The following CLNK variants were observed in gnomAD, a reference collection of about 807,000 sequenced individuals.
CLNK encodes the protein cytokine-dependent hematopoietic cell linker.
In CLNK, 74 loss-of-function variants were observed where a neutral mutation model predicts 68.6. That is an observed-to-expected ratio of 1.08 (90% confidence interval 0.89 to 1.31). The LOEUF (loss-of-function observed/expected upper bound fraction) is 1.31, where lower values mean the gene tolerates loss of function less well. Among genes scored for constraint, CLNK ranks in the 50% most tolerant of loss-of-function variants. The pLI is 0.00. For missense variants in CLNK, 553 were observed against 515.3 expected (o/e 1.07, Z -0.71); for synonymous variants, 198 against 172.2 (o/e 1.15, Z -1.17).
chr4:10,678,903 A>G (rs543418185), intron 1 of CLNK, among the ~76,000 whole-genome samples: 1 of 152,358 alleles, frequency 6.6e-6, no homozygotes. Context: ...GCTCATGGGT[A>G]GGAGGAATCA....
At chr4:10,557,039 G>A (rs969536418) in intron 8 of CLNK, among the ~76,000 whole-genome samples, 2 of 151,680 alleles carry the variant, frequency 1.3e-5, no homozygotes, top group Non-Finnish European at 2.9e-5. Context: ...TCACGCCACT[G>A]CACTCCAGCC....
chr4:10,669,717 T>C (rs1054665228), intron 1 of CLNK, among the ~76,000 whole-genome samples: 3 of 152,206 alleles, frequency 2.0e-5, no homozygotes, highest in Non-Finnish European at 4.4e-5. Context: ...CTCTATGTCC[T>C]CTGATACCCT....
chr4:10,569,188 CTTTT>C (rs57423330), intron 5 of CLNK, among the ~76,000 whole-genome samples: 2 of 124,408 alleles, frequency 1.6e-5, no homozygotes, highest in Admixed American at 8.3e-5. Flanking sequence ...CAAGACTGCC[CTTTT>C]TTTTTTTTTT....
At chr4:10,613,385 G>A (rs1236971485) in intron 2 of CLNK, among the ~76,000 whole-genome samples, 1 of 152,176 alleles carries the variant, frequency 6.6e-6, no homozygotes, top group African/African-American at 2.4e-5. Context: ...GCAGGAATGT[G>A]GCTAAGTAGT....
chr4:10,574,629 GGGA>G (rs1720483864), intron 4 of CLNK, among the ~76,000 whole-genome samples: 1 of 152,114 alleles, frequency 6.6e-6, no homozygotes, highest in African/African-American at 2.4e-5. Context: ...CTCCCTTTAA[GGGA>G]GGAGACCACC....
chr4:10,582,046 T>C (rs1198212693), intron 4 of CLNK, among the ~76,000 whole-genome samples: 1 of 152,232 alleles, frequency 6.6e-6, no homozygotes, highest in Non-Finnish European at 1.5e-5. Flanking sequence ...ACTGTTGTGA[T>C]TTTTAACTAT....
chr4:10,734,614 C>A, the CLNK span, among the ~76,000 whole-genome samples: 2 of 152,210 alleles, frequency 1.3e-5, no homozygotes, highest in Non-Finnish European at 2.9e-5. Flanking sequence ...ATGGCCAAAT[C>A]CCAGCTGCCA....
At chr4:10,598,392 T>C (rs1433046676) in intron 2 of CLNK, among the ~76,000 whole-genome samples, 1 of 152,236 alleles carries the variant, frequency 6.6e-6, no homozygotes, top group Admixed American at 6.5e-5. Flanking sequence ...CTGTCTCTTC[T>C]GTAAAATGAA....
intron 5 of CLNK, among the ~76,000 whole-genome samples, chr4:10,570,072 C>T (rs1303370212): frequency 6.6e-6 from 1 of 152,166 alleles, no homozygotes; most frequent in Non-Finnish European, 1.5e-5. Context: ...ACTGTACACC[C>T]AGTGAGCTCT....
chr4:10,620,541 G>A (rs1356785184), intron 2 of CLNK, among the ~76,000 whole-genome samples: 2 of 152,142 alleles, frequency 1.3e-5, no homozygotes, highest in African/African-American at 2.4e-5. Context: ...AGAGCATGCA[G>A]CATCTCATAT....
At chr4:10,508,426 G>C (rs11929850) in intron 16 of CLNK, among the ~76,000 whole-genome samples, 27,283 of 152,134 alleles carry the variant, frequency 0.18, 4,552 homozygotes, top group African/African-American at 0.44. Context: ...AGCAGGGAGG[G>C]AGAAAGAGGT....
the CLNK span, among the ~76,000 whole-genome samples, chr4:10,721,342 G>A: frequency 6.6e-6 from 1 of 152,032 alleles, no homozygotes; most frequent in African/African-American, 2.4e-5. Context: ...ATGGGTAAAG[G>A]GCACACAGAG....
chr4:10,585,011 C>T (rs1226286185), intron 3 of CLNK, 56 bp from the exon 4 acceptor site: 1 of 1,589,024 alleles, frequency 6.3e-7, no homozygotes, highest in East Asian at 2.3e-5. Flanking sequence ...CCACCGACCC[C>T]CCGCCACATA....
intron 14 of CLNK, among the ~76,000 whole-genome samples, chr4:10,521,164 T>C (rs907757271): frequency 1.3e-5 from 2 of 152,192 alleles, no homozygotes; most frequent in Non-Finnish European, 2.9e-5. Flanking sequence ...AAAGAACATT[T>C]TGCTGGTGGG....
At chr4:10,642,128 A>G (rs567872839) in intron 2 of CLNK, among the ~76,000 whole-genome samples, 20 of 152,354 alleles carry the variant, frequency 1.3e-4, no homozygotes, top group Non-Finnish European at 2.4e-4. Flanking sequence ...GTCAATTTCA[A>G]TAAAGGCAAA....
chr4:10,493,350 C>G (rs141981801), intron 18 of CLNK, among the ~76,000 whole-genome samples: 1 of 152,008 alleles, frequency 6.6e-6, no homozygotes, highest in African/African-American at 2.4e-5. Context: ...TACTATAAAC[C>G]TGGCAGCTTA....
intron 10 of CLNK, 53 bp downstream of exon 10, chr4:10,541,969 C>T: frequency 7.6e-7 from 1 of 1,316,114 alleles, no homozygotes; most frequent in Non-Finnish European, 1.1e-6. Context: ...CAGATGCTGG[C>T]ACAAATTATT....
intron 18 of CLNK, among the ~76,000 whole-genome samples, chr4:10,491,071 AG>A: frequency 6.6e-6 from 1 of 152,290 alleles, no homozygotes; most frequent in African/African-American, 2.4e-5. Context: ...GACCGGAAGT[AG>A]TTTTTAAAAA....
chr4:10,714,857 A>G, the CLNK span, among the ~76,000 whole-genome samples: 3 of 152,140 alleles, frequency 2.0e-5, no homozygotes, highest in African/African-American at 7.2e-5. Context: ...TTCTGACATC[A>G]GTGTGGCTAA....
Sources: allele counts gnomAD v4.1 joint callset (sites outside exome capture counted in the v4.1 genomes callset), GRCh38; gene constraint gnomAD v4.1.1; transcripts MANE v1.5; gene names NCBI Gene and HGNC (gene_info 2026-07-23, HGNC 2026-07-21).